TUSC3: variants seen among roughly 807,000 people sequenced by gnomAD.
TUSC3 encodes the protein dolichyl-diphosphooligosaccharide--protein glycosyltransferase subunit TUSC3.
In TUSC3, 45 loss-of-function variants were observed where a neutral mutation model predicts 44.8. The observed-to-expected ratio is 1.00, with a 90% CI of 0.79 to 1.29. The LOEUF is 1.29. Ranked by LOEUF, TUSC3 falls within the 50% of genes most tolerant of loss-of-function variation. The probability of loss-of-function intolerance (pLI) is 0.00; values close to 1 mark genes in which losing one functional copy is unlikely to be tolerated. For synonymous variants in TUSC3, 212 were observed against 152.9 expected, an observed-to-expected ratio of 1.39 and a Z score of -2.85; for missense variants, 519 against 437.9, an observed-to-expected ratio of 1.19 and a Z score of -1.65.
chr8:15,573,208 A>C (rs923463220), intron 1 of TUSC3, among the ~76,000 whole-genome samples: 20,357 of 97,544 alleles, frequency 0.21, 1,862 homozygotes, highest in Non-Finnish European at 0.22. Flanking sequence ...CTCTCTATAT[A>C]TATATATATA....
the TUSC3 span, among the ~76,000 whole-genome samples, chr8:15,849,245 A>G: frequency 6.6e-6 from 1 of 152,172 alleles, no homozygotes; most frequent in Non-Finnish European, 1.5e-5. Context: ...AAGCAGGTGT[A>G]ACGTATTCCA....
chr8:15,451,276 C>A (rs1337219753), intron 1 of TUSC3, among the ~76,000 whole-genome samples: 1 of 152,106 alleles, frequency 6.6e-6, no homozygotes. Flanking sequence ...ACCCTGGAAT[C>A]CCTTTAGTAA....
chr8:15,717,043 C>A (rs369187707), intron 6 of TUSC3, among the ~76,000 whole-genome samples: 4 of 151,916 alleles, frequency 2.6e-5, no homozygotes, highest in Non-Finnish European at 5.9e-5. Flanking sequence ...TTTTATGGTC[C>A]TCTGTAACTA....
rs1030401199 is a variant in TUSC3 at position 15,546,480 on chromosome 8, A to G, written c.138+5912A>G. On this transcript the variant is annotated intron_variant, in intron 1 of 10. Transcript: ENST00000503731. ...TTTTTTTTACATAGATAAGTAAGAC[A>G]TATATAAATAGATTGAATATTAAGG... Among the ~76,000 whole-genome samples, 3 of 151,784 alleles carry G rather than the reference A, an allele frequency of 2.0e-5. 1 individual carries two copies. The highest frequency in any genetic ancestry group is 4.2e-4 in the South Asian group (2 of 4,784).
At chr8:15,795,744 G>A in the TUSC3 span, among the ~76,000 whole-genome samples, 37 of 152,292 alleles carry the variant, frequency 2.4e-4, no homozygotes, top group African/African-American at 7.5e-4. Context: ...CAAAAGTCCC[G>A]GGGCCTCCAG....
At chr8:15,829,855 C>A in the TUSC3 span, among the ~76,000 whole-genome samples, 1 of 152,062 alleles carries the variant, frequency 6.6e-6, no homozygotes, top group Admixed American at 6.6e-5. Context: ...AATTTTAGTT[C>A]TTTGAGAAAT....
rs371094498 is a variant in TUSC3, at chr8:15,514,313, A to G, written n.189+30830A>G. Among the ~76,000 whole-genome samples, 102 of 152,344 alleles carry G rather than the reference A, an allele frequency of 6.7e-4. No homozygotes were observed. The East Asian group carries it at 0.014, about 21-fold the overall frequency. On this transcript the variant is annotated intron_variant and non_coding_transcript_variant, in intron 2 of 5. Coordinates refer to the TUSC3 transcript ENST00000503191. ...AAATAGAATTTAGATTTGTGGTAGT[A>G]ATTTATTTTTATATTTTAGGTATGT...
chr8:15,608,299 G>GT (rs570683632), intron 1 of TUSC3, among the ~76,000 whole-genome samples: 28 of 150,576 alleles, frequency 1.9e-4, no homozygotes, highest in Admixed American at 4.6e-4. Flanking sequence ...GAATTCCTTA[G>GT]TTTTTTTTTG....
At chr8:15,519,189 G>T (rs1292221407) in intron 2 of TUSC3, among the ~76,000 whole-genome samples, 1 of 152,042 alleles carries the variant, frequency 6.6e-6, no homozygotes, top group Non-Finnish European at 1.5e-5. Flanking sequence ...TGAGAATAAT[G>T]ATCATGTTTT....
At chr8:15,635,822 G>A (rs900617626) in intron 2 of TUSC3, among the ~76,000 whole-genome samples, 1 of 152,162 alleles carries the variant, frequency 6.6e-6, no homozygotes, top group Non-Finnish European at 1.5e-5. Context: ...AGGTAGCAAT[G>A]GTGGTGATCT....
rs79215737 is a variant in TUSC3 at position 15,645,355 on chromosome 8, A to T, written c.309-5342A>T. ...AGTCTTTGTTTATACTGTTTCTATT[A>T]CCTTACTTTTCTCTCCCTGTCCTTG... On this transcript the variant is annotated intron_variant, in intron 2 of 10. Coordinates refer to ENST00000503731, the MANE Select transcript of TUSC3 (RefSeq NM_006765.4). 2.0e-5 allele frequency among the ~76,000 whole-genome samples: 3 copies of T among 152,128 alleles called. No individual in the cohort carries two copies. In the East Asian group the frequency reaches 5.8e-4, roughly 29 times the overall value.
At chr8:15,658,065 G>A (rs1462925299) in intron 3 of TUSC3, among the ~76,000 whole-genome samples, 4 of 152,050 alleles carry the variant, frequency 2.6e-5, no homozygotes, top group East Asian at 1.9e-4. Flanking sequence ...AAGCTTCCAC[G>A]TCTTAATATT....
chr8:15,800,741 G>A, the TUSC3 span, among the ~76,000 whole-genome samples: 1 of 152,108 alleles, frequency 6.6e-6, no homozygotes, highest in African/African-American at 2.4e-5. Flanking sequence ...AGTATTTTAT[G>A]CATACTGAGA....
chr8:15,623,971 A>T (rs1805373102), intron 2 of TUSC3, among the ~76,000 whole-genome samples: 1 of 152,004 alleles, frequency 6.6e-6, no homozygotes, highest in African/African-American at 2.4e-5. Context: ...TGTACTTCTT[A>T]CCTGTCGAAC....
At chr8:15,649,284 A>G (rs1806776895) in intron 2 of TUSC3, among the ~76,000 whole-genome samples, 2 of 152,014 alleles carry the variant, frequency 1.3e-5, no homozygotes, top group South Asian at 4.1e-4. Context: ...TTGGTCTACT[A>G]TTGAGTATTA....
At chr8:15,592,840 A>T (rs1415236360) in intron 1 of TUSC3, among the ~76,000 whole-genome samples, 1 of 152,172 alleles carries the variant, frequency 6.6e-6, no homozygotes, top group East Asian at 1.9e-4. Context: ...TCCTCATTTT[A>T]AAGATGAGGA....
intron 2 of TUSC3, among the ~76,000 whole-genome samples, chr8:15,507,151 C>G (rs1054300093): frequency 1.3e-5 from 2 of 152,154 alleles, no homozygotes; most frequent in Non-Finnish European, 2.9e-5. Context: ...CCAAGGGGAG[C>G]TCCCCCTTGC....
intron 1 of TUSC3, among the ~76,000 whole-genome samples, chr8:15,465,004 C>T (rs1161873208): frequency 6.6e-6 from 1 of 152,128 alleles, no homozygotes; most frequent in East Asian, 1.9e-4. Context: ...CACCTGCCAC[C>T]ATGCCCAGCT....
intron 1 of TUSC3, among the ~76,000 whole-genome samples, chr8:15,438,102 G>T (rs1250686266): frequency 2.0e-5 from 3 of 151,566 alleles, no homozygotes; most frequent in Non-Finnish European, 4.4e-5. Context: ...TGTGTGTTTT[G>T]TTGGGTTTTT....
Sources: gnomAD v4.1 joint callset for allele counts (sites outside exome capture counted in the v4.1 genomes callset) on GRCh38, gnomAD v4.1.1 for gene constraint, MANE v1.5 for transcripts, NCBI Gene and HGNC (gene_info 2026-07-23, HGNC 2026-07-21) for gene names.